The following RGS6 variants were observed in gnomAD, a reference collection of about 807,000 sequenced individuals.
RGS6 encodes regulator of G-protein signaling 6.
In RGS6, 30 loss-of-function variants were observed where a neutral mutation model predicts 78.5. The observed-to-expected ratio is 0.38, with a 90% confidence interval of 0.29 to 0.52. The LOEUF (loss-of-function observed/expected upper bound fraction) is 0.52, where lower values mean the gene tolerates loss of function less well. Among genes scored for constraint, RGS6 ranks in the 20% least tolerant of loss-of-function variants. The probability of loss-of-function intolerance (pLI) is 0.85; values close to 1 mark genes in which losing one functional copy is unlikely to be tolerated. For missense variants in RGS6, 495 were observed against 609.7 expected, an observed-to-expected ratio of 0.81 and a Z score of 1.98; for synonymous variants, 206 against 206.0, an observed-to-expected ratio of 1.00 and a Z score of 0.00.
chr14:71,951,288 C>T (rs2092292476), intron 1 of RGS6, among the ~76,000 whole-genome samples: 2 of 152,066 alleles, frequency 1.3e-5, no homozygotes, highest in Admixed American at 1.3e-4. Context: ...CCATTATCCC[C>T]AGCAAACAAA....
chr14:72,136,154 C>G (rs1381998628), intron 2 of RGS6, among the ~76,000 whole-genome samples: 1 of 152,144 alleles, frequency 6.6e-6, no homozygotes, highest in Non-Finnish European at 1.5e-5. Context: ...ATGCAGTGGA[C>G]TGACACCACC....
chr14:71,951,300 G>T (rs1162889192), intron 1 of RGS6, among the ~76,000 whole-genome samples: 1 of 151,992 alleles, frequency 6.6e-6, no homozygotes, highest in African/African-American at 2.4e-5. Flanking sequence ...GCAAACAAAC[G>T]CAGGAGCAGA....
At chr14:72,562,388 C>T (rs370134634) in intron 17 of RGS6, 29 bp from the exon 18 acceptor site, 28 of 1,603,688 alleles carry the variant, frequency 1.7e-5, no homozygotes, top group East Asian at 1.6e-4. Flanking sequence ...TGCGCCTGTG[C>T]GTGCCTCTCT....
At chr14:72,424,917 T>C (rs778311751) in intron 3 of RGS6, among the ~76,000 whole-genome samples, 9 of 152,202 alleles carry the variant, frequency 5.9e-5, no homozygotes, top group Non-Finnish European at 8.8e-5. Flanking sequence ...CCTTCAGTGA[T>C]GGTTGTCTTC....
At chr14:72,536,035 G>A in intron 15 of RGS6, 151 bp from the exon 16 acceptor site, 1 of 622,276 alleles carries the variant, frequency 1.6e-6, no homozygotes, top group Non-Finnish European at 2.9e-6. Flanking sequence ...GGGGTGTGGG[G>A]ATGGAACATG....
chr14:72,110,488 G>A (rs1475536510), intron 2 of RGS6, among the ~76,000 whole-genome samples: 2 of 152,108 alleles, frequency 1.3e-5, no homozygotes, highest in African/African-American at 4.8e-5. Context: ...TGACTCTCTC[G>A]GCAGAAAGTC....
At chr14:72,609,536 T>G in the RGS6 span, among the ~76,000 whole-genome samples, 1 of 152,188 alleles carries the variant, frequency 6.6e-6, no homozygotes, top group Admixed American at 6.5e-5. Flanking sequence ...TGAGAGAGCT[T>G]GATACGTTCC....
intron 2 of RGS6, among the ~76,000 whole-genome samples, chr14:72,284,100 C>A (rs959487897): frequency 5.9e-5 from 9 of 152,162 alleles, no homozygotes; most frequent in African/African-American, 2.2e-4. Flanking sequence ...AGCAGCAAAC[C>A]ATTCAAGATG....
intron 2 of RGS6, among the ~76,000 whole-genome samples, chr14:71,988,809 TGGGGAG>T (rs1324971948): frequency 2.0e-5 from 3 of 152,080 alleles, no homozygotes; most frequent in Non-Finnish European, 2.9e-5. Context: ...AGGGTCTAAC[TGGGGAG>T]GGGGTATACA....
At chr14:71,971,100 C>T (rs1269603773) in intron 2 of RGS6, among the ~76,000 whole-genome samples, 1 of 152,068 alleles carries the variant, frequency 6.6e-6, no homozygotes, top group Non-Finnish European at 1.5e-5. Flanking sequence ...TGGATTAGGG[C>T]CAGATCACAA....
chr14:72,187,904 G>A (rs923902370), intron 2 of RGS6, among the ~76,000 whole-genome samples: 1 of 152,180 alleles, frequency 6.6e-6, no homozygotes, highest in Non-Finnish European at 1.5e-5. Flanking sequence ...AACTGGAGTT[G>A]TTCCCCATGC....
upstream of RGS6, among the ~76,000 whole-genome samples, chr14:71,930,079 TG>T (rs770088457): frequency 1.3e-5 from 2 of 152,250 alleles, no homozygotes; most frequent in Non-Finnish European, 2.9e-5. Context: ...TCATTGCTAC[TG>T]GGGTGCCATT....
chr14:72,547,517 A>G (rs1208227825), intron 17 of RGS6: 2 of 616,056 alleles, frequency 3.2e-6, no homozygotes, highest in Non-Finnish European at 5.8e-6. Context: ...AGGCCAGGAT[A>G]CCTGTCCATA....
At chr14:72,459,584 C>T (rs745516762) in intron 5 of RGS6, 48 bp from the exon 6 acceptor site, 15 of 1,600,646 alleles carry the variant, frequency 9.4e-6, no homozygotes, top group Middle Eastern at 1.6e-4. Flanking sequence ...GGGAGGGAAG[C>T]GCAGGCATGG....
chr14:72,239,131 T>G (rs899656420), intron 2 of RGS6, among the ~76,000 whole-genome samples: 1 of 152,224 alleles, frequency 6.6e-6, no homozygotes, highest in Non-Finnish European at 1.5e-5. Context: ...AGTGAGCACC[T>G]GAAGGTCAAG....
At chr14:72,610,841 CT>C in the RGS6 span, among the ~76,000 whole-genome samples, 1 of 152,220 alleles carries the variant, frequency 6.6e-6, no homozygotes, top group Admixed American at 6.5e-5. Flanking sequence ...TGCTGCCAGT[CT>C]GGTGTGGAAA....
chr14:71,897,552 G>C, the RGS6 span, among the ~76,000 whole-genome samples: 1 of 151,804 alleles, frequency 6.6e-6, no homozygotes, highest in Non-Finnish European at 1.5e-5. Context: ...ATGGAGTCTT[G>C]CTCTGTCACC....
At chr14:72,612,496 A>G in the RGS6 span, 2 of 516,868 alleles carry the variant, frequency 3.9e-6, no homozygotes, top group Non-Finnish European at 3.9e-6. Context: ...CACGGGGTAT[A>G]TTTTCTTTTT....
At chr14:72,602,126 T>C in the RGS6 span, among the ~76,000 whole-genome samples, 8 of 152,144 alleles carry the variant, frequency 5.3e-5, no homozygotes, top group African/African-American at 1.7e-4. Flanking sequence ...TATAATTCCC[T>C]CCATTAAGAG....
Sources: allele counts gnomAD v4.1 joint callset (sites outside exome capture counted in the v4.1 genomes callset), GRCh38; gene constraint gnomAD v4.1.1; transcripts MANE v1.5; gene names NCBI Gene and HGNC (gene_info 2026-07-23, HGNC 2026-07-21).